Variants in METTL15 observed in about 807,000 individuals in gnomAD.
The protein encoded by METTL15 is 12S rRNA N(4)-cytidine methyltransferase METTL15.
METTL15 carries 34 observed loss-of-function variants against 38.3 expected under a neutral mutation model. The ratio of observed to expected loss-of-function variants is 0.89; its 90% confidence interval spans 0.68 to 1.18. METTL15 has a LOEUF of 1.18. METTL15 is among the 50% of genes most tolerant of loss of function. The probability of loss-of-function intolerance (pLI) is 0.00; values close to 1 mark genes in which losing one functional copy is unlikely to be tolerated. For synonymous variants in METTL15, 162 were observed against 170.9 expected, an observed-to-expected ratio of 0.95 and a Z score of 0.41; for missense variants, 438 against 498.4, an observed-to-expected ratio of 0.88 and a Z score of 1.15.
intron 5 of METTL15, among the ~76,000 whole-genome samples, chr11:28,385,442 A>G (rs1850430045): frequency 6.6e-6 from 1 of 152,130 alleles, no homozygotes; most frequent in African/African-American, 2.4e-5. Flanking sequence ...GTCAAAGATT[A>G]GATGGTTGCA....
chr11:28,126,769 G>A (rs1852506741), intron 3 of METTL15, among the ~76,000 whole-genome samples: 1 of 152,034 alleles, frequency 6.6e-6, no homozygotes, highest in Admixed American at 6.6e-5. Flanking sequence ...AGCCCTTAAG[G>A]AGCTTACAAT....
At chr11:28,432,670 G>A (rs1004679044) in intron 6 of METTL15, among the ~76,000 whole-genome samples, 4 of 152,192 alleles carry the variant, frequency 2.6e-5, no homozygotes, top group Admixed American at 6.5e-5. Flanking sequence ...TAATAATATC[G>A]AACTCATAGT....
chr11:28,309,619 C>T (rs1484068324), intron 6 of METTL15, among the ~76,000 whole-genome samples: 1 of 152,138 alleles, frequency 6.6e-6, no homozygotes, highest in Non-Finnish European at 1.5e-5. Context: ...TCTGATTTCT[C>T]TTTTGCCAAT....
At chr11:28,317,397 G>C (rs187302682) in intron 6 of METTL15, among the ~76,000 whole-genome samples, 1 of 151,514 alleles carries the variant, frequency 6.6e-6, no homozygotes, top group Non-Finnish European at 1.5e-5. Flanking sequence ...CATGGGTTGC[G>C]TCACCGAGAC....
At chr11:28,342,865 A>G (rs1185176945) in intron 3 of METTL15, among the ~76,000 whole-genome samples, 1 of 151,964 alleles carries the variant, frequency 6.6e-6, no homozygotes, top group Non-Finnish European at 1.5e-5. Flanking sequence ...TCTGTCACAT[A>G]TCTTTGTCGT....
intron 4 of METTL15, among the ~76,000 whole-genome samples, chr11:28,355,507 C>T (rs779881682): frequency 5.3e-5 from 8 of 152,034 alleles, no homozygotes; most frequent in East Asian, 1.9e-4. Context: ...ATTGGCCGTG[C>T]GTATCCATGA....
chr11:28,347,952 G>A (rs546467903), intron 3 of METTL15, among the ~76,000 whole-genome samples: 18 of 152,254 alleles, frequency 1.2e-4, no homozygotes, highest in Middle Eastern at 3.4e-3. Flanking sequence ...CCATCAACTT[G>A]AGTTTGCCAA....
intron 5 of METTL15, among the ~76,000 whole-genome samples, chr11:28,396,463 C>G (rs1260842646): frequency 3.3e-5 from 5 of 151,488 alleles, no homozygotes; most frequent in Non-Finnish European, 7.4e-5. Context: ...GACAGAGAGC[C>G]AAATCATGAG....
intron 5 of METTL15, among the ~76,000 whole-genome samples, chr11:28,294,688 G>A (rs1381480798): frequency 6.6e-6 from 1 of 151,996 alleles, no homozygotes; most frequent in African/African-American, 2.4e-5. Flanking sequence ...TTAGTTGGGG[G>A]GCAGCTCTTG....
intron 6 of METTL15, among the ~76,000 whole-genome samples, chr11:28,326,674 C>T (rs1849644968): frequency 6.6e-6 from 1 of 152,090 alleles, no homozygotes; most frequent in Non-Finnish European, 1.5e-5. Context: ...CCTCCCCAGA[C>T]TCAGATGATC....
At chr11:28,419,726 A>C (rs1189663512) in intron 5 of METTL15, among the ~76,000 whole-genome samples, 2 of 152,220 alleles carry the variant, frequency 1.3e-5, no homozygotes, top group Non-Finnish European at 2.9e-5. Context: ...CAGACAGATA[A>C]TTCAAAATAG....
At chr11:28,530,496 G>C (rs1590405727), downstream of METTL15, among the ~76,000 whole-genome samples, 4 of 152,196 alleles carry the variant, frequency 2.6e-5, no homozygotes, top group South Asian at 8.3e-4. Flanking sequence ...GCAGCGGTGT[G>C]CTGATAAATG....
intron 5 of METTL15, among the ~76,000 whole-genome samples, chr11:28,395,259 T>G (rs763948336): frequency 3.3e-5 from 5 of 152,088 alleles, no homozygotes; most frequent in Admixed American, 6.6e-5. Context: ...TATTCAGAGG[T>G]GTGCCAGTCA....
chr11:28,215,892 C>T (rs1257724379), intron 4 of METTL15, among the ~76,000 whole-genome samples: 1 of 151,986 alleles, frequency 6.6e-6, no homozygotes, highest in Non-Finnish European at 1.5e-5. Flanking sequence ...TGGTGTGCAC[C>T]TGTAGTCCCA....
At chr11:28,488,300 A>G (rs1422229865) in intron 6 of METTL15, among the ~76,000 whole-genome samples, 1 of 152,126 alleles carries the variant, frequency 6.6e-6, no homozygotes, top group African/African-American at 2.4e-5. Flanking sequence ...ATGATCTCAA[A>G]CCAAGGAATA....
At position 28,316,100 on chromosome 11, in the gene METTL15, G is replaced by A. The variant is rs572107434; in HGVS notation, c.779-14296G>A. ...GAAGAGGGCCACCATCCTCCAGACC[G>A]CAGAATGGTAGATCCACCCAACAGC... On this transcript the variant is annotated intron_variant, in intron 6 of 6. Coordinates refer to ENST00000407364, the MANE Select transcript of METTL15 (RefSeq NM_001113528.2). 5.3e-4 allele frequency among the ~76,000 whole-genome samples: 81 copies of A among 152,324 alleles called. 2 individuals are homozygous for A. The highest frequency in any genetic ancestry group is 4.1e-3 in the Admixed American group (63 of 15,308).
At chr11:28,202,160 A>C (rs1417448956) in intron 3 of METTL15, among the ~76,000 whole-genome samples, 1 of 151,960 alleles carries the variant, frequency 6.6e-6, no homozygotes, top group East Asian at 1.9e-4. Flanking sequence ...ATTGGTATCA[A>C]TTGTGGGCCT....
At chr11:28,517,134 A>G (rs1851726012) in intron 6 of METTL15, 1 of 152,150 alleles carries the variant, frequency 6.6e-6, no homozygotes, top group Non-Finnish European at 1.5e-5. Flanking sequence ...TGTTGTGAAA[A>G]CTACAGTGTA....
intron 3 of METTL15, among the ~76,000 whole-genome samples, chr11:28,184,867 C>T (rs1466590832): frequency 2.6e-5 from 4 of 151,310 alleles, no homozygotes; most frequent in African/African-American, 9.7e-5. Flanking sequence ...ATGTGTGTTG[C>T]ATGAAAGCTA....
Sources: gnomAD v4.1 joint callset for allele counts (sites outside exome capture counted in the v4.1 genomes callset) on GRCh38, gnomAD v4.1.1 for gene constraint, MANE v1.5 for transcripts, NCBI Gene and HGNC (gene_info 2026-07-23, HGNC 2026-07-21) for gene names.